MYO1H: variants seen among roughly 807,000 people sequenced by gnomAD.
MYO1H encodes the protein myosin IH.
Under a neutral mutation model 149.3 loss-of-function variants are expected in MYO1H, and 118 were observed. The observed-to-expected ratio is 0.79, with a 90% CI of 0.68 to 0.92. The LOEUF is 0.92. Ranked by LOEUF, MYO1H falls within the 40% of genes least tolerant of loss-of-function variation. MYO1H has a pLI of 0.00. For synonymous variants in MYO1H, 447 were observed against 465.2 expected (o/e 0.96, Z 0.50); for missense variants, 1,212 against 1,280.7 (o/e 0.95, Z 0.82).
intron 9 of MYO1H, 121 bp downstream of exon 9, chr12:109,406,981 C>A: frequency 2.5e-6 from 2 of 790,456 alleles, no homozygotes; most frequent in Non-Finnish European, 4.2e-6. Context: ...CCAGGCCCTG[C>A]GTGGTCCAGC....
At chr12:109,328,170 G>A in the MYO1H span, among the ~76,000 whole-genome samples, 2 of 150,388 alleles carry the variant, frequency 1.3e-5, no homozygotes, top group Admixed American at 6.6e-5. Flanking sequence ...GTGTGTGTGT[G>A]TGTGATGCCT....
the MYO1H span, among the ~76,000 whole-genome samples, chr12:109,323,453 G>A: frequency 6.6e-6 from 1 of 152,360 alleles, no homozygotes; most frequent in South Asian, 2.1e-4. Flanking sequence ...TGAGTCACCT[G>A]TGTTTGTTGG....
At chr12:109,357,688 ATTCTCTT>A (rs1868638918) in intron 1 of MYO1H, among the ~76,000 whole-genome samples, 1 of 143,210 alleles carries the variant, frequency 7.0e-6, no homozygotes, top group Non-Finnish European at 1.5e-5. Flanking sequence ...ATGAAATACT[ATTCTCTT>A]GATTTTTTTT....
intron 31 of MYO1H, chr12:109,446,187 A>G: frequency 1.0e-6 from 1 of 984,966 alleles, no homozygotes; most frequent in Middle Eastern, 5.2e-4. Flanking sequence ...TTTGGGAACC[A>G]TGGCTACGTT....
chr12:109,417,556 C>T (rs375259420), intron 15 of MYO1H, among the ~76,000 whole-genome samples: 3 of 151,646 alleles, frequency 2.0e-5, no homozygotes, highest in Non-Finnish European at 4.4e-5. Flanking sequence ...CTCCATCTAC[C>T]GACCTCGTGA....
At chr12:109,341,273 G>T in the MYO1H span, among the ~76,000 whole-genome samples, 1 of 147,964 alleles carries the variant, frequency 6.8e-6, no homozygotes, top group African/African-American at 2.5e-5. Flanking sequence ...TCCAGAAATG[G>T]TAATATTGTC....
At chr12:109,327,481 G>A in the MYO1H span, among the ~76,000 whole-genome samples, 9 of 151,550 alleles carry the variant, frequency 5.9e-5, no homozygotes, top group Non-Finnish European at 1.3e-4. Flanking sequence ...TGGGTGCGAC[G>A]GCTCACGCCT....
intron 2 of MYO1H, among the ~76,000 whole-genome samples, chr12:109,390,423 T>G (rs1364257647): frequency 1.3e-5 from 2 of 152,070 alleles, no homozygotes; most frequent in Non-Finnish European, 2.9e-5. Context: ...ATACCAGATG[T>G]ATTTTCCAAG....
At chr12:109,411,955 A>C (rs1870695781) in exon 14 of MYO1H, 1 of 1,604,572 alleles carries the variant, frequency 6.2e-7, no homozygotes, top group African/African-American at 1.3e-5. Flanking sequence ...AAATTGGAAG[A>C]GAAAGTGGGC....
the MYO1H span, among the ~76,000 whole-genome samples, chr12:109,320,137 T>C: frequency 6.7e-6 from 1 of 150,282 alleles, no homozygotes; most frequent in African/African-American, 2.4e-5. Context: ...AACTGAGAGA[T>C]TGTCTCTACA....
intron 1 of MYO1H, among the ~76,000 whole-genome samples, chr12:109,349,688 C>T (rs1403820175): frequency 1.3e-5 from 2 of 148,534 alleles, no homozygotes; most frequent in Admixed American, 6.7e-5. Context: ...AGGCCGGGTG[C>T]GGTGGCTCAT....
At chr12:109,327,134 C>CTTTT in the MYO1H span, among the ~76,000 whole-genome samples, 4 of 94,744 alleles carry the variant, frequency 4.2e-5, 1 homozygote, top group African/African-American at 1.9e-4. Context: ...TTTTCTTTTT[C>CTTTT]TTTTTTTTTT....
intron 19 of MYO1H, among the ~76,000 whole-genome samples, chr12:109,428,232 C>CCA (rs1871461749): frequency 6.6e-6 from 1 of 152,062 alleles, no homozygotes; most frequent in Admixed American, 6.5e-5. Context: ...GGGCAGTGCC[C>CCA]CACAGGCCTC....
At chr12:109,383,548 T>C (rs1037794085) in intron 1 of MYO1H, among the ~76,000 whole-genome samples, 2 of 152,260 alleles carry the variant, frequency 1.3e-5, no homozygotes, top group African/African-American at 4.8e-5. Context: ...CTCCTCCATG[T>C]GATGGCTCAG....
chr12:109,374,964 C>T (rs1054672084), intron 1 of MYO1H, among the ~76,000 whole-genome samples: 1 of 151,310 alleles, frequency 6.6e-6, no homozygotes, highest in African/African-American at 2.4e-5. Flanking sequence ...AAGCAATTCT[C>T]CTTACTCAGC....
exon 27 of MYO1H, chr12:109,442,272 G>C (rs753612256): frequency 6.2e-7 from 1 of 1,613,588 alleles, no homozygotes; most frequent in Non-Finnish European, 8.5e-7. Flanking sequence ...AGAAAATCCA[G>C]GTAAGGCGAT....
Position 109,421,037 on chromosome 12 carries a change from A to C in MYO1H, c.1644+10A>C, listed in dbSNP as rs894845127. 2.0e-6 allele frequency: 3 copies of C among 1,533,866 alleles called. No homozygotes were observed. The highest frequency in any genetic ancestry group is 2.3e-5 in the East Asian group (1 of 44,428). On this transcript the variant is annotated intron_variant, in intron 16 of 31. Coordinates refer to ENST00000310903, the Ensembl canonical transcript of MYO1H. ...CAGACATCTGAAAGAAGTAAGTCTGACACTTAACTGTATGTGTTTCTGATT... is the reference window on the plus strand; with the variant it reads ...CAGACATCTGAAAGAAGTAAGTCTGCCACTTAACTGTATGTGTTTCTGATT...
At chr12:109,443,261 C>G (rs1284340840) in intron 27 of MYO1H, among the ~76,000 whole-genome samples, 1 of 93,304 alleles carries the variant, frequency 1.1e-5, no homozygotes, top group South Asian at 3.8e-4. Flanking sequence ...TATATGTGTA[C>G]GTATATGTGT....
the MYO1H span, among the ~76,000 whole-genome samples, chr12:109,324,127 A>G: frequency 3.3e-5 from 5 of 152,188 alleles, no homozygotes; most frequent in African/African-American, 1.2e-4. Flanking sequence ...AGTTGATCTC[A>G]AGTCATACTA....
Sources: allele counts gnomAD v4.1 joint callset (sites outside exome capture counted in the v4.1 genomes callset), GRCh38; gene constraint gnomAD v4.1.1; transcripts MANE v1.5; gene names NCBI Gene and HGNC (gene_info 2026-07-23, HGNC 2026-07-21).